RALGDS: variants seen among roughly 807,000 people sequenced by gnomAD.
RALGDS encodes ral guanine nucleotide dissociation stimulator.
A neutral mutation model predicts 99.8 loss-of-function variants in RALGDS; 44 were observed. The ratio of observed to expected loss-of-function variants is 0.44; its 90% CI spans 0.35 to 0.57. RALGDS has a LOEUF of 0.57. Ranked by LOEUF, RALGDS falls within the 20% of genes least tolerant of loss-of-function variation. The probability of loss-of-function intolerance (pLI) is 0.01; values close to 1 mark genes in which losing one functional copy is unlikely to be tolerated. For synonymous variants in RALGDS, 529 were observed against 505.0 expected, an observed-to-expected ratio of 1.05 and a Z score of -0.64; for missense variants, 1,022 against 1,203.1, an observed-to-expected ratio of 0.85 and a Z score of 2.23.
At chr9:133,146,389 AC>A (rs1832623487) in intron 1 of RALGDS, among the ~76,000 whole-genome samples, 2 of 152,040 alleles carry the variant, frequency 1.3e-5, no homozygotes, top group South Asian at 4.1e-4. Context: ...ACGGGGTTTC[AC>A]CACGTTGGCC....
intron 17 of RALGDS, chr9:133,099,191 C>G (rs1014149847): frequency 5.5e-6 from 1 of 182,426 alleles, no homozygotes; most frequent in Non-Finnish European, 1.2e-5. Flanking sequence ...GAGGCCTGTA[C>G]TCCTTGAACC....
rs1218527929 is a variant in RALGDS, at chr9:133,110,406, C to T, written c.378G>A (p.Glu126=). ...TGCCCTGGAAGGCTGGCACCAGGTG[C>T]TCCACCAGCTTCTCCAGCGTGCCAG... ...VKAGTLEKLV[E]HLVPAFQGSD... Residue 126 remains glutamate, a synonymous_variant, in exon 3 of 18, where the codon GAG becomes GAA. Transcript: ENST00000372050. The T allele has an allele frequency of 4.3e-6, 7 of 1,613,276 alleles. No individual in the cohort carries two copies. The highest frequency in any genetic ancestry group is 2.2e-5 in the East Asian group (1 of 44,878).
At chr9:133,125,658 C>T (rs373650128), upstream of RALGDS, among the ~76,000 whole-genome samples, 103 of 152,254 alleles carry the variant, frequency 6.8e-4, 2 homozygotes, top group South Asian at 0.017. Flanking sequence ...ATCGCTTGAA[C>T]CTGGGAGGTG....
At chr9:133,105,178 C>T (rs967118611) in intron 9 of RALGDS, among the ~76,000 whole-genome samples, 3 of 152,150 alleles carry the variant, frequency 2.0e-5, no homozygotes, top group African/African-American at 7.2e-5. Context: ...TGCGATGCTC[C>T]CCTGTAGGGA....
rs1831920184 is a variant in RALGDS, at chr9:133,121,178, G to GGGCCGGCCCGGCGCGC, written c.-40_-25dup. On this transcript the variant is annotated 5_prime_UTR_variant, in exon 1 of 18. Transcript: ENST00000372050. ...ATGGAAGGCTCGCAGCGCGGGCGCG[G>GGGCCGGCCCGGCGCGC]GGCCGGCCCGGCGCGCGGCGGGGGC... 9.5e-7 allele frequency: 1 copy of GGGCCGGCCCGGCGCGC among 1,053,354 alleles called. No homozygotes were observed. The highest frequency in any genetic ancestry group is 4.4e-5 in the South Asian group (1 of 22,494). The allele number at this position is 1,053,354 out of a possible 1,614,324, so 65.3% of individuals were successfully genotyped here.
chr9:133,107,974 G>A lies in RALGDS; in HGVS notation c.1197+14C>T. On this transcript the variant is annotated intron_variant, in intron 6 of 17. Coordinates refer to ENST00000372050, the MANE Select transcript of RALGDS (RefSeq NM_006266.4). The stretch of plus-strand genomic sequence containing the variant: ...GGCAGGCCCACCCCTGCCCTGCCAA[G>A]CTGAGCTGCTCACCGCATCCATCAG... The A allele has an allele frequency of 2.5e-6, 4 of 1,612,806 alleles. No individual in the cohort carries two copies. Among genetic ancestry groups the A allele is most frequent in the Non-Finnish European group, 3.4e-6 (4 of 1,180,032 alleles).
intron 9 of RALGDS, among the ~76,000 whole-genome samples, chr9:133,105,085 G>A (rs1477749292): frequency 1.3e-5 from 2 of 152,134 alleles, no homozygotes; most frequent in Non-Finnish European, 2.9e-5. Flanking sequence ...TCAGGGTACC[G>A]TCCTCTGGGC....
intron 6 of RALGDS, 31 bp from the exon 7 acceptor site, chr9:133,107,331 T>C: frequency 6.4e-7 from 1 of 1,572,870 alleles, no homozygotes; most frequent in Non-Finnish European, 8.7e-7. Context: ...CACCTGGTCC[T>C]GCCCCAGCAG....
At position 133,109,623 on chromosome 9, in the gene RALGDS, C is replaced by G; in HGVS notation, c.584+3G>C. The G allele has an allele frequency of 6.2e-7, 1 of 1,610,562 alleles. No homozygotes were observed. The highest frequency in any genetic ancestry group is 8.5e-7 in the Non-Finnish European group (1 of 1,176,902). On this transcript the variant is annotated splice_donor_region_variant and intron_variant, in intron 4 of 17. Coordinates refer to ENST00000372050, the MANE Select transcript of RALGDS (RefSeq NM_006266.4). Reference sequence around the variant, plus strand: ...CCTTCCTCTTGGCTCAAAGCTCACTCACTTTTTAAGTTGGTCCTGGGGTCC... The same window carrying G: ...CCTTCCTCTTGGCTCAAAGCTCACTGACTTTTTAAGTTGGTCCTGGGGTCC...
intron 17 of RALGDS, 33 bp downstream of exon 17, chr9:133,100,235 C>G: frequency 1.9e-6 from 3 of 1,592,024 alleles, no homozygotes; most frequent in Non-Finnish European, 2.6e-6. Context: ...GGACCTGCCC[C>G]CTCTGCCATC....
intron 1 of RALGDS, among the ~76,000 whole-genome samples, chr9:133,146,912 G>A (rs7032488): frequency 0.15 from 23,147 of 152,228 alleles, 2,701 homozygotes; most frequent in African/African-American, 0.33. Flanking sequence ...GCCTGGGGGC[G>A]GGTCCTGCCC....
upstream of RALGDS, among the ~76,000 whole-genome samples, chr9:133,123,716 GCACA>G (rs201941499): frequency 6.5e-5 from 7 of 107,372 alleles, no homozygotes; most frequent in African/African-American, 2.0e-4. Context: ...ACACAGAGAT[GCACA>G]CACAGAGACA....
At chr9:133,145,265 T>C (rs2119278418) in intron 1 of RALGDS, among the ~76,000 whole-genome samples, 1 of 152,074 alleles carries the variant, frequency 6.6e-6, no homozygotes, top group East Asian at 1.9e-4. Flanking sequence ...ACACCTCCCC[T>C]CCACGAATCA....
Position 133,106,741 on chromosome 9 carries a change from C to T in RALGDS, c.1421G>A (p.Arg474Gln), listed in dbSNP as rs768088973. ...EHWIEVAREC[R>Q]ILKNFSSLYA... ...CAGTGACGAGAAGTTCTTGAGGATC[C>T]GGCACTCCTGGGGCGGGAAGAGCAG... The change falls in exon 8 of 18, where the codon CGG (arginine) becomes CAG (glutamine). Residue 474 changes from arginine (R) to glutamine (Q), a missense_variant. By Grantham distance (43) the Arg-to-Gln change is conservative. Coordinates refer to ENST00000372050, the MANE Select transcript of RALGDS (RefSeq NM_006266.4). 3 of 1,609,842 alleles carry T rather than the reference C, an allele frequency of 1.9e-6. No homozygotes were observed. The highest frequency in any genetic ancestry group is 2.2e-5 in the South Asian group (2 of 90,702).
rs1832586939 is a variant in RALGDS at position 133,144,278 on chromosome 9, T to A, written c.18+4685A>T. 6.6e-6 allele frequency among the ~76,000 whole-genome samples: 1 copy of A among 152,118 alleles called. No homozygotes were observed. Reference sequence around the variant, plus strand: ...AAACGAAAGGCAAACTCCTGGCCCCTGCAGCCTCGCAGGTCCCCTATCCCT... The same window carrying A: ...AAACGAAAGGCAAACTCCTGGCCCCAGCAGCCTCGCAGGTCCCCTATCCCT... On this transcript the variant is annotated intron_variant, in intron 1 of 17. Transcript: ENST00000393160. This position sits in a 1 kb window ranked among gnomAD's most constrained non-coding sequence, Gnocchi z 4.5.
chr9:133,102,942 G>T, intron 12 of RALGDS, 42 bp from the exon 13 acceptor site: 1 of 1,609,054 alleles, frequency 6.2e-7, no homozygotes, highest in South Asian at 1.1e-5. Context: ...AAGGCCCCCC[G>T]GGCAGCACAG....
At chr9:133,126,602 C>T (rs866292980) in intron 1 of RALGDS, among the ~76,000 whole-genome samples, 1 of 152,300 alleles carries the variant, frequency 6.6e-6, no homozygotes. Flanking sequence ...GTCCCCCACT[C>T]CCGCAGTGCC....
In RALGDS at chr9:133,110,284, G is replaced by T; in HGVS notation, c.488+12C>A. The T allele has an allele frequency of 6.2e-7, 1 of 1,611,544 alleles. No homozygotes were observed. The highest frequency in any genetic ancestry group is 1.3e-5 in the African/African-American group (1 of 75,028). Reference sequence around the variant, plus strand: ...CCCTGTGCACCCTGTGCAGTGGAGGGCTCATGCTCACCTTTTGAACAGCAG... The same window carrying T: ...CCCTGTGCACCCTGTGCAGTGGAGGTCTCATGCTCACCTTTTGAACAGCAG... On this transcript the variant is annotated intron_variant, in intron 3 of 17. Coordinates refer to ENST00000372050, the MANE Select transcript of RALGDS (RefSeq NM_006266.4).
At chr9:133,139,218 C>A (rs1832477708) in intron 1 of RALGDS, among the ~76,000 whole-genome samples, 1 of 152,228 alleles carries the variant, frequency 6.6e-6, no homozygotes, top group African/African-American at 2.4e-5. Context: ...CAGCCGCTGC[C>A]CCTGCAGGCC....
Sources: gnomAD v4.1 joint callset for allele counts (sites outside exome capture counted in the v4.1 genomes callset) on GRCh38, gnomAD v4.1.1 for gene constraint, Gnocchi (gnomAD v3.1) non-coding constraint, MANE v1.5 for transcripts, NCBI Gene and HGNC (gene_info 2026-07-23, HGNC 2026-07-21) for gene names.